The following ABCA13 variants were observed in gnomAD, a reference collection of about 807,000 sequenced individuals.
ABCA13 encodes ATP binding cassette subfamily A member 13, also known as ATP-binding cassette sub-family A member 13.
Under a neutral mutation model 478.7 loss-of-function variants are expected in ABCA13, and 476 were observed. That is an observed-to-expected ratio of 0.99 (90% CI 0.92 to 1.07). The LOEUF is 1.07. Among genes scored for constraint, ABCA13 ranks in the 50% least tolerant of loss-of-function variants. The probability of loss-of-function intolerance (pLI) is 0.00; values close to 1 mark genes in which losing one functional copy is unlikely to be tolerated. For synonymous variants in ABCA13, 2,252 were observed against 2,158.9 expected (o/e 1.04, Z -1.20); for missense variants, 6,060 against 5,910.6 (o/e 1.03, Z -0.83).
At chr7:48,625,756 C>A (rs1793606780) in intron 59 of ABCA13, among the ~76,000 whole-genome samples, 1 of 152,128 alleles carries the variant, frequency 6.6e-6, no homozygotes, top group African/African-American at 2.4e-5. Flanking sequence ...GTCACTTTAT[C>A]AAAAGTAAAC....
rs1562876044 is a variant in ABCA13, at chr7:48,248,438, C to T, written c.1859C>T (p.Ser620Phe). 1 of 1,601,560 alleles carries T rather than the reference C, an allele frequency of 6.2e-7. No homozygotes were observed. The highest frequency in any genetic ancestry group is 8.5e-7 in the Non-Finnish European group (1 of 1,173,700). The change falls in exon 14 of 62, where the codon TCC becomes TTC. Residue 620 changes from serine (S) to phenylalanine (F), a missense_variant. Physicochemically the swap from Ser to Phe is radical, Grantham distance 155. This residue lies in a region of ABCA13 where 4,423 missense variants were observed against 4,309.1 expected (regional missense o/e 1.03). Transcript: ENST00000435803. Reference protein sequence around the residue: ...FSSDCKHQLVSTVIFHTLEKT... With the variant: ...FSSDCKHQLVFTVIFHTLEKT... ...AGTGACTGTAAGCACCAGCTTGTCT[C>T]CACAGTGTAAGTACATGTTTGGTGG...
intron 27 of ABCA13, among the ~76,000 whole-genome samples, chr7:48,329,869 C>T (rs932080621): frequency 4.2e-5 from 6 of 143,886 alleles, no homozygotes; most frequent in Non-Finnish European, 7.9e-5. Context: ...ACACATTTGT[C>T]TCTTCATTCA....
At position 48,463,921 on chromosome 7, in the gene ABCA13, G is replaced by A. The variant is rs1826577947; in HGVS notation, c.12816-3035G>A. ...CTGCTGTCTTCCCAGATGCCCCAGT[G>A]TTTCTCAAGGTTGGTTTGATCCTTG... On this transcript the variant is annotated intron_variant, in intron 43 of 61. Transcript: ENST00000435803. 2.0e-5 allele frequency among the ~76,000 whole-genome samples: 3 copies of A among 152,042 alleles called. No homozygotes were observed. In the South Asian group the frequency reaches 6.2e-4, roughly 32 times the overall value.
intron 50 of ABCA13, 79 bp from the exon 51 acceptor site, chr7:48,511,005 A>C: frequency 8.6e-7 from 1 of 1,168,928 alleles, no homozygotes; most frequent in South Asian, 1.3e-5. Context: ...AGTTGAAAGG[A>C]AACTTCAGGA....
At chr7:48,220,170 T>C (rs779220040) in intron 4 of ABCA13, among the ~76,000 whole-genome samples, 14 of 152,108 alleles carry the variant, frequency 9.2e-5, no homozygotes, top group Non-Finnish European at 1.6e-4. Flanking sequence ...ATAAAGATCT[T>C]AGAGAGTTTT....
At chr7:48,282,803 G>T (rs923574934) in intron 19 of ABCA13, among the ~76,000 whole-genome samples, 8 of 152,116 alleles carry the variant, frequency 5.3e-5, no homozygotes, top group African/African-American at 1.9e-4. Context: ...TCTTACCACC[G>T]TGTGCTATTC....
chr7:48,212,055 A>G (rs1584224334), intron 3 of ABCA13, among the ~76,000 whole-genome samples: 1 of 152,066 alleles, frequency 6.6e-6, no homozygotes, highest in Non-Finnish European at 1.5e-5. Context: ...CTGCCACTCA[A>G]ATTTATTTGG....
intron 50 of ABCA13, among the ~76,000 whole-genome samples, chr7:48,509,892 A>G (rs1831526792): frequency 6.6e-6 from 1 of 152,216 alleles, no homozygotes; most frequent in Non-Finnish European, 1.5e-5. Flanking sequence ...AGAGAGCTCT[A>G]TGTGAGGACA....
intron 21 of ABCA13, 66 bp downstream of exon 21, chr7:48,295,929 C>T (rs1479700879): frequency 6.7e-7 from 1 of 1,490,144 alleles, no homozygotes; most frequent in Non-Finnish European, 8.9e-7. Flanking sequence ...GTCTAGGACT[C>T]TTTAAAATGT....
intron 45 of ABCA13, among the ~76,000 whole-genome samples, chr7:48,476,381 G>A (rs1008576382): frequency 6.6e-6 from 1 of 152,116 alleles, no homozygotes; most frequent in Non-Finnish European, 1.5e-5. Context: ...AAATAATAAC[G>A]AGCTGATTAA....
At chr7:48,317,029 A>G (rs1195349020) in intron 26 of ABCA13, 128 bp from the exon 27 acceptor site, 5 of 1,144,802 alleles carry the variant, frequency 4.4e-6, no homozygotes, top group Non-Finnish European at 6.1e-6. Flanking sequence ...CCCAAAGTTC[A>G]GAGTGGTGTC....
chr7:48,390,639 C>A (rs1019568777), intron 37 of ABCA13, among the ~76,000 whole-genome samples: 2 of 152,204 alleles, frequency 1.3e-5, no homozygotes, highest in Non-Finnish European at 2.9e-5. Flanking sequence ...CATGTGACCA[C>A]TGATCTGCTC....
intron 55 of ABCA13, among the ~76,000 whole-genome samples, chr7:48,570,163 T>G (rs2131314208): frequency 6.6e-6 from 1 of 152,222 alleles, no homozygotes; most frequent in South Asian, 2.1e-4. Context: ...TTATGATTAG[T>G]CTGTCTTCCT....
Position 48,269,095 on chromosome 7 carries a change from G to A in ABCA13, c.2120+1G>A. On this transcript the variant is annotated splice_donor_variant, in intron 16 of 61. Transcript: ENST00000435803. LOFTEE classifies it high-confidence loss of function. The stretch of plus-strand genomic sequence containing the variant: ...AGTCTCCAACAGCTTCCATATCCAG[G>A]TAAGTTATCAGAATCCAACTTCTAG... The A allele has an allele frequency of 6.6e-7, 1 of 1,507,750 alleles. No homozygotes were observed. Among genetic ancestry groups the A allele is most frequent in the Non-Finnish European group, 9.2e-7 (1 of 1,087,278 alleles). The allele number at this position is 1,507,750 out of a possible 1,614,324, so 93.4% of individuals were successfully genotyped here.
chr7:48,519,038 C>A (rs529897533), intron 52 of ABCA13, among the ~76,000 whole-genome samples: 1 of 151,996 alleles, frequency 6.6e-6, no homozygotes, highest in African/African-American at 2.4e-5. Flanking sequence ...TTGCTCAGCT[C>A]CCACTTATAA....
chr7:48,224,883 TC>T (rs1787926461), intron 5 of ABCA13, among the ~76,000 whole-genome samples: 1 of 152,204 alleles, frequency 6.6e-6, no homozygotes, highest in Admixed American at 6.5e-5. Context: ...AGCTCCTTCT[TC>T]CTGGGACCAT....
In ABCA13 at chr7:48,595,316, G is replaced by A. The variant is rs533755724; in HGVS notation, c.14744+503G>A. On this transcript the variant is annotated intron_variant, in intron 58 of 61. Transcript: ENST00000435803. Reference sequence around the variant, plus strand: ...TTTAACTTTCTAATACACTGTTCTAGCCCACAAAGAATTACAAATATAGAT... The same window carrying A: ...TTTAACTTTCTAATACACTGTTCTAACCCACAAAGAATTACAAATATAGAT... Among the ~76,000 whole-genome samples the A allele has an allele frequency of 3.3e-5, 5 of 152,256 alleles. No individual in the cohort carries two copies. The East Asian group carries it at 9.6e-4, about 29-fold the overall frequency.
At chr7:48,559,070 A>T (rs1786171162) in intron 55 of ABCA13, among the ~76,000 whole-genome samples, 1 of 152,180 alleles carries the variant, frequency 6.6e-6, no homozygotes, top group Non-Finnish European at 1.5e-5. Flanking sequence ...AGGGCTCTAC[A>T]ATCAGCAGGT....
chr7:48,575,483 C>A (rs1788078341), intron 55 of ABCA13, among the ~76,000 whole-genome samples: 1 of 152,172 alleles, frequency 6.6e-6, no homozygotes, highest in Non-Finnish European at 1.5e-5. Context: ...ATTCTGTTTT[C>A]TCTTATATTT....
Sources: allele counts gnomAD v4.1 joint callset (sites outside exome capture counted in the v4.1 genomes callset), GRCh38; gene constraint gnomAD v4.1.1; regional missense constraint gnomAD v4.1.1; transcripts MANE v1.5; gene names NCBI Gene and HGNC (gene_info 2026-07-23, HGNC 2026-07-21).